The following NOL10 variants were observed in gnomAD, a reference collection of about 807,000 sequenced individuals.
NOL10 encodes the protein nucleolar protein 10, also known as H_NH0074G24.1.
A neutral mutation model predicts 103.5 loss-of-function variants in NOL10; 58 were observed. The ratio of observed to expected loss-of-function variants is 0.56; its 90% CI spans 0.45 to 0.70. The LOEUF (loss-of-function observed/expected upper bound fraction) is 0.70, where lower values mean the gene tolerates loss of function less well. Ranked by LOEUF, NOL10 falls within the 30% of genes least tolerant of loss-of-function variation. The pLI is 0.00. For synonymous variants in NOL10, 287 were observed against 282.5 expected, an observed-to-expected ratio of 1.02 and a Z score of -0.16; for missense variants, 763 against 807.3, an observed-to-expected ratio of 0.95 and a Z score of 0.67.
intron 20 of NOL10, among the ~76,000 whole-genome samples, chr2:10,573,655 CAAAAA>C (rs561312921): frequency 8.0e-6 from 1 of 124,810 alleles, no homozygotes. Context: ...TTTGTAATGT[CAAAAA>C]AAAAAAAAAA....
At chr2:10,583,189 C>G (rs530321869) in intron 19 of NOL10, among the ~76,000 whole-genome samples, 1 of 152,322 alleles carries the variant, frequency 6.6e-6, no homozygotes, top group Admixed American at 6.5e-5. Flanking sequence ...TGTCTGCTTT[C>G]TAACAGAATT....
At chr2:10,649,458 T>C (rs377458649) in intron 12 of NOL10, among the ~76,000 whole-genome samples, 15 of 151,598 alleles carry the variant, frequency 9.9e-5, no homozygotes, top group Non-Finnish European at 1.8e-4. Flanking sequence ...GTAGCTGGGA[T>C]TACAGGCACC....
intron 12 of NOL10, 25 bp downstream of exon 12, chr2:10,654,456 T>C: frequency 6.7e-7 from 1 of 1,491,432 alleles, no homozygotes. Flanking sequence ...TTTGTCTCAC[T>C]GAACGTTCAC....
At chr2:10,594,308 A>T (rs1675552308) in intron 17 of NOL10, among the ~76,000 whole-genome samples, 1 of 152,310 alleles carries the variant, frequency 6.6e-6, no homozygotes, top group African/African-American at 2.4e-5. Flanking sequence ...AATATCTACC[A>T]TACCCTCACA....
intron 13 of NOL10, among the ~76,000 whole-genome samples, chr2:10,633,813 G>GTA (rs1491266092): frequency 6.2e-4 from 72 of 115,668 alleles, no homozygotes; most frequent in Admixed American, 1.7e-3. Context: ...GTGTGTGTGT[G>GTA]TATATATATA....
intron 4 of NOL10, among the ~76,000 whole-genome samples, chr2:10,675,193 A>C (rs1306481444): frequency 6.7e-6 from 1 of 150,094 alleles, no homozygotes; most frequent in Non-Finnish European, 1.5e-5. Context: ...ACAAGACCCT[A>C]TCTCTTTAAA....
intron 8 of NOL10, 37 bp from the exon 9 acceptor site, chr2:10,663,081 A>G (rs370894869): frequency 1.9e-4 from 295 of 1,569,180 alleles, no homozygotes; most frequent in Admixed American, 7.4e-4. Flanking sequence ...TAAAAGCTGT[A>G]GAAGGCGGGG....
chr2:10,668,945 G>A (rs1266439551), intron 6 of NOL10, among the ~76,000 whole-genome samples: 3 of 151,900 alleles, frequency 2.0e-5, no homozygotes, highest in East Asian at 1.9e-4. Context: ...AAGTCATTAC[G>A]TAGAATACTA....
chr2:10,657,083 T>A (rs1195524126), intron 11 of NOL10, among the ~76,000 whole-genome samples: 3 of 151,870 alleles, frequency 2.0e-5, no homozygotes, highest in Admixed American at 6.6e-5. Context: ...CTTCAGGAGG[T>A]CGAGGCAGGC....
At chr2:10,688,285 C>T (rs909441063) in intron 1 of NOL10, among the ~76,000 whole-genome samples, 2 of 152,336 alleles carry the variant, frequency 1.3e-5, no homozygotes, top group African/African-American at 4.8e-5. Context: ...GCCCACACAA[C>T]AGTGACTTCC....
intron 13 of NOL10, among the ~76,000 whole-genome samples, chr2:10,611,329 G>A (rs748443649): frequency 7.9e-5 from 12 of 152,162 alleles, no homozygotes; most frequent in Non-Finnish European, 1.5e-4. Flanking sequence ...CTACTTGAGC[G>A]GAAGAACCAA....
intron 19 of NOL10, among the ~76,000 whole-genome samples, chr2:10,584,570 T>C (rs1051518761): frequency 1.4e-4 from 21 of 152,210 alleles, no homozygotes; most frequent in African/African-American, 4.8e-4. Context: ...CAATCTGATG[T>C]TGTCTCTTGT....
chr2:10,628,551 G>A (rs1677632020), intron 13 of NOL10, among the ~76,000 whole-genome samples: 1 of 152,008 alleles, frequency 6.6e-6, no homozygotes, highest in Non-Finnish European at 1.5e-5. Flanking sequence ...TAATTTCATT[G>A]GTTTAATCTC....
chr2:10,577,749 TTCAAAAGAATGCCACATTAA>T lies in NOL10; in HGVS notation c.1845-31_1845-12del. On this transcript the variant is annotated splice_polypyrimidine_tract_variant and intron_variant, in intron 19 of 20. Coordinates refer to ENST00000381685, the MANE Select transcript of NOL10 (RefSeq NM_024894.4). ...TCTTCAAGGGTTTTGCTATGGGAAA[TTCAAAAGAATGCCACATTAA>T]TCAAAATTATGTTTTAATTTACCAT... 2.6e-6 allele frequency: 4 copies of T among 1,536,912 alleles called. No individual in the cohort carries two copies. Among genetic ancestry groups the T allele is most frequent in the Non-Finnish European group, 3.6e-6 (4 of 1,117,762 alleles).
At chr2:10,684,454 CACT>C (rs1032988229) in intron 2 of NOL10, 110 bp downstream of exon 2, 38 of 825,174 alleles carry the variant, frequency 4.6e-5, no homozygotes, top group Admixed American at 1.5e-4. Context: ...ATTCATTTTC[CACT>C]ACATGTTACC....
rs754512288 is a variant in NOL10, at chr2:10,571,889, C to T, written c.*182G>A. 7.8e-5 allele frequency: 50 copies of T among 639,138 alleles called. No individual in the cohort carries two copies. Among genetic ancestry groups the T allele is most frequent in the Non-Finnish European group, 1.2e-4 (46 of 383,638 alleles). 39.6% of individuals were successfully genotyped at this position (639,138 alleles called of 1,614,324 possible). A position where few individuals can be genotyped will look rare whatever the true frequency, so the allele number is the denominator to read the frequency against. ...ACCCCTGGGGCTGTGCGGTGGCCGT[C>T]GGCGGGGCCAGCTTCAAAGTCCAAC... On this transcript the variant is annotated 3_prime_UTR_variant, in exon 21 of 21. Transcript: ENST00000381685.
In NOL10 at chr2:10,654,501, A is replaced by G; in HGVS notation, c.953T>C (p.Val318Ala). ...SLEPEHDLND[V>A]CLYPNSGMLL... The stretch of plus-strand genomic sequence containing the variant: ...CATACCTGAGTTGGGGTAGAGACAA[A>G]CATCATTAAGGTCATGCTCTGGCTC... The change falls in exon 12 of 21, where the codon GTT becomes GCT. Residue 318 changes from valine to alanine, a missense_variant. Val to Ala is a moderately conservative substitution (Grantham distance 64). Transcript: ENST00000381685. 4 of 1,601,934 alleles carry G rather than the reference A, an allele frequency of 2.5e-6. No homozygotes were observed. The highest frequency in any genetic ancestry group is 3.4e-6 in the Non-Finnish European group (4 of 1,176,952).
chr2:10,623,973 T>G (rs969958304), intron 13 of NOL10, among the ~76,000 whole-genome samples: 1 of 152,226 alleles, frequency 6.6e-6, no homozygotes, highest in Non-Finnish European at 1.5e-5. Flanking sequence ...TTTATTCTTG[T>G]TGCACAGCTG....
At chr2:10,582,870 T>C (rs1333636461) in intron 19 of NOL10, among the ~76,000 whole-genome samples, 1 of 152,242 alleles carries the variant, frequency 6.6e-6, no homozygotes, top group African/African-American at 2.4e-5. Context: ...CATCAAGTTA[T>C]TGGCTTTCAT....
Sources: gnomAD v4.1 joint callset for allele counts (sites outside exome capture counted in the v4.1 genomes callset) on GRCh38, gnomAD v4.1.1 for gene constraint, MANE v1.5 for transcripts, NCBI Gene and HGNC (gene_info 2026-07-23, HGNC 2026-07-21) for gene names.